Variants in RPS6KA2 observed in about 807,000 individuals in gnomAD.
RPS6KA2 encodes the protein ribosomal protein S6 kinase alpha-2.
RPS6KA2 carries 42 observed loss-of-function variants against 91.8 expected under a neutral mutation model. The observed-to-expected ratio is 0.46, with a 90% CI of 0.36 to 0.59. The LOEUF (loss-of-function observed/expected upper bound fraction) is 0.59, where lower values mean the gene tolerates loss of function less well. Among genes scored for constraint, RPS6KA2 ranks in the 20% least tolerant of loss-of-function variants. The pLI, the probability that RPS6KA2 is intolerant of heterozygous loss-of-function variation, is 0.00. For synonymous variants in RPS6KA2, 414 were observed against 393.6 expected, an observed-to-expected ratio of 1.05 and a Z score of -0.61; for missense variants, 798 against 978.5, an observed-to-expected ratio of 0.82 and a Z score of 2.46.
At chr6:166,792,421 A>T (rs959107949) in intron 2 of RPS6KA2, among the ~76,000 whole-genome samples, 6 of 151,986 alleles carry the variant, frequency 3.9e-5, no homozygotes, top group Non-Finnish European at 8.8e-5. Context: ...ATTCTACCAG[A>T]GGTACAAAGA....
chr6:166,849,538 G>A lies in RPS6KA2; in HGVS notation c.123+8662C>T, dbSNP rs1420162853. ...GGGGCGGATCAGCTTGAGTCACCAC[G>A]CGTGTAGCTGACAGTGGAGGACCCC... On this transcript the variant is annotated intron_variant, in intron 2 of 21. Coordinates refer to the RPS6KA2 transcript ENST00000503859. This position sits in a 1 kb window ranked among gnomAD's most constrained non-coding sequence, Gnocchi z 4.9. 2.6e-5 allele frequency among the ~76,000 whole-genome samples: 4 copies of A among 152,148 alleles called. No homozygotes were observed. Among genetic ancestry groups the A allele is most frequent in the East Asian group, 1.9e-4 (1 of 5,196 alleles).
intron 20 of RPS6KA2, among the ~76,000 whole-genome samples, chr6:166,413,381 A>T (rs954934907): frequency 6.6e-6 from 1 of 152,170 alleles, no homozygotes; most frequent in Non-Finnish European, 1.5e-5. Context: ...GGCGGCTCTT[A>T]ACTGGATCAT....
At chr6:166,750,962 C>T (rs75238677) in intron 2 of RPS6KA2, among the ~76,000 whole-genome samples, 1 of 152,300 alleles carries the variant, frequency 6.6e-6, no homozygotes, top group South Asian at 2.1e-4. Context: ...ATTCTATTTG[C>T]CTAAACAGAG....
chr6:166,515,328 C>G (rs1197265059), intron 3 of RPS6KA2, among the ~76,000 whole-genome samples: 1 of 152,194 alleles, frequency 6.6e-6, no homozygotes, highest in South Asian at 2.1e-4. Flanking sequence ...GCTCATCCCC[C>G]GGGAGGGGCC....
intron 2 of RPS6KA2, among the ~76,000 whole-genome samples, chr6:166,646,841 C>T (rs1172509060): frequency 3.3e-5 from 5 of 152,212 alleles, no homozygotes; most frequent in Non-Finnish European, 7.4e-5. Flanking sequence ...GGCACCTTTC[C>T]CCTCTCCAGC....
chr6:166,750,401 C>T (rs1365794781), intron 2 of RPS6KA2, among the ~76,000 whole-genome samples: 2 of 151,746 alleles, frequency 1.3e-5, no homozygotes, highest in African/African-American at 4.8e-5. Flanking sequence ...ACACACTCCT[C>T]CCACACAGTC....
intron 2 of RPS6KA2, among the ~76,000 whole-genome samples, chr6:166,740,529 G>A (rs1056760286): frequency 1.1e-4 from 17 of 152,120 alleles, no homozygotes; most frequent in Non-Finnish European, 1.8e-4. Flanking sequence ...GAACAACCCA[G>A]TCTTTATGTT....
chr6:166,632,172 G>A (rs1375466015), upstream of RPS6KA2, among the ~76,000 whole-genome samples: 2 of 152,088 alleles, frequency 1.3e-5, no homozygotes, highest in African/African-American at 4.8e-5. Context: ...CCCATGTCTG[G>A]CTTATTCCAC....
At chr6:166,532,842 A>AGT (rs1253100999) in intron 2 of RPS6KA2, among the ~76,000 whole-genome samples, 8 of 151,428 alleles carry the variant, frequency 5.3e-5, no homozygotes, top group African/African-American at 9.8e-5. Flanking sequence ...AGAGAGAGAG[A>AGT]GAGTGTGTGT....
rs770224078 is a variant in RPS6KA2 at position 166,504,555 on chromosome 6, C to G, written c.517G>C (p.Asp173His). 6 of 1,614,024 alleles carry G rather than the reference C, an allele frequency of 3.7e-6. No individual in the cohort carries two copies. The Admixed American group carries it at 1.0e-4, about 27-fold the overall frequency. The stretch of plus-strand genomic sequence containing the variant: ...ATGATCCCCAGGCTGTGGAGATGGT[C>G]TAAAGCCAAGGCCAGCTCAGCCAGG... The part of the protein sequence containing the change: ...FYLAELALAL[D>H]HLHSLGIIYR... Residue 173 changes from aspartate (D) to histidine (H), a missense_variant, in exon 6 of 21, where the codon GAC (aspartate) becomes CAC (histidine). By Grantham distance (81) the Asp-to-His change is moderately conservative (BLOSUM62 -1). Transcript: ENST00000265678.
chr6:166,814,082 T>C (rs1448381761), intron 2 of RPS6KA2, among the ~76,000 whole-genome samples: 1 of 152,214 alleles, frequency 6.6e-6, no homozygotes, highest in Non-Finnish European at 1.5e-5. Context: ...ACATGAAATA[T>C]ACATAATGTT....
At chr6:166,741,497 T>C (rs1418400499) in intron 2 of RPS6KA2, among the ~76,000 whole-genome samples, 1 of 152,214 alleles carries the variant, frequency 6.6e-6, no homozygotes, top group Non-Finnish European at 1.5e-5. Flanking sequence ...AGCACAAAAA[T>C]TAAATAAATA....
intron 3 of RPS6KA2, among the ~76,000 whole-genome samples, chr6:166,511,012 T>C (rs995962687): frequency 1.3e-5 from 2 of 152,158 alleles, no homozygotes; most frequent in African/African-American, 2.4e-5. Flanking sequence ...CTTGTATTTC[T>C]TGTAAACTGG....
Position 166,517,455 on chromosome 6 carries a change from G to GTTTTTTTTTTTTT in RPS6KA2, c.299-7111_299-7099dup, listed in dbSNP as rs71032809. On this transcript the variant is annotated intron_variant, in intron 3 of 20. Transcript: ENST00000265678. ...ACCACTTAAGGCGTTCTTTTGTTTT[G>GTTTTTTTTTTTTT]TTTTTTTTTTTTTTTTTTTTTTTTT... Among the ~76,000 whole-genome samples, 104 of 104,912 alleles carry GTTTTTTTTTTTTT rather than the reference G, an allele frequency of 9.9e-4. 1 individual carries two copies. Among genetic ancestry groups the GTTTTTTTTTTTTT allele is most frequent in the Non-Finnish European group, 1.5e-3 (81 of 55,316 alleles). The allele number at this position is 104,912 out of a possible 152,430, so 68.8% of individuals were successfully genotyped here.
chr6:166,661,539 ATT>A (rs1196042119), intron 2 of RPS6KA2, among the ~76,000 whole-genome samples: 1 of 152,044 alleles, frequency 6.6e-6, no homozygotes, highest in East Asian at 1.9e-4. Context: ...AGAGTCAGCA[ATT>A]TTCTTATTGT....
Position 166,510,321 on chromosome 6 carries a change from A to T in RPS6KA2, c.335T>A (p.Ile112Asn), listed in dbSNP as rs1273517205. The stretch of plus-strand genomic sequence containing the variant: ...GAAGGGGTGATTCACTTCTGCCAAG[A>T]TGTCTCTCTCCATCTTCGATCTCAC... ...DRVRSKMERD[I>N]LAEVNHPFIV... is the part of the protein sequence containing the mutation. The change falls in exon 4 of 21, where the codon ATC (isoleucine) becomes AAC (asparagine). Residue 112 changes from isoleucine to asparagine, a missense_variant. Transcript: ENST00000265678. The T allele has an allele frequency of 6.2e-7, 1 of 1,602,604 alleles. No homozygotes were observed.
chr6:166,460,998 G>A (rs75735597), intron 11 of RPS6KA2, among the ~76,000 whole-genome samples: 12 of 152,204 alleles, frequency 7.9e-5, no homozygotes, highest in African/African-American at 2.6e-4. Flanking sequence ...CTGCTTATCC[G>A]GGAGCACCTG....
chr6:166,633,080 T>C (rs1787133931), intron 2 of RPS6KA2, among the ~76,000 whole-genome samples: 1 of 152,138 alleles, frequency 6.6e-6, no homozygotes, highest in Non-Finnish European at 1.5e-5. Flanking sequence ...ATTAGTTGGA[T>C]GTGGTGGTGT....
intron 15 of RPS6KA2, among the ~76,000 whole-genome samples, chr6:166,431,943 T>A (rs1197481784): frequency 6.6e-6 from 1 of 152,176 alleles, no homozygotes; most frequent in Non-Finnish European, 1.5e-5. Context: ...GGGCTATTCT[T>A]ATGCCAAGCT....
Sources: allele counts gnomAD v4.1 joint callset (sites outside exome capture counted in the v4.1 genomes callset), GRCh38; gene constraint gnomAD v4.1.1; non-coding constraint Gnocchi (gnomAD v3.1); transcripts MANE v1.5; gene names NCBI Gene and HGNC (gene_info 2026-07-23, HGNC 2026-07-21).